Variants in SMC2 observed in about 807,000 individuals in gnomAD.
SMC2 encodes the protein structural maintenance of chromosomes protein 2.
A neutral mutation model predicts 142.6 loss-of-function variants in SMC2; 41 were observed. The observed-to-expected ratio is 0.29, with a 90% confidence interval of 0.22 to 0.37. The LOEUF is 0.37. SMC2 is among the 10% of genes least tolerant of loss of function. SMC2 has a pLI of 1.00. For synonymous variants in SMC2, 463 were observed against 457.5 expected, an observed-to-expected ratio of 1.01 and a Z score of -0.15; for missense variants, 1,265 against 1,373.7, an observed-to-expected ratio of 0.92 and a Z score of 1.25.
At chr9:104,135,756 T>C (rs1835458224) in intron 23 of SMC2, 1 of 489,438 alleles carries the variant, frequency 2.0e-6, no homozygotes, top group Admixed American at 2.2e-5. Context: ...TTAAACACTA[T>C]GTAAGCCAGA....
intron 22 of SMC2, among the ~76,000 whole-genome samples, chr9:104,133,922 C>T (rs953562331): frequency 2.0e-4 from 31 of 152,050 alleles, no homozygotes; most frequent in African/African-American, 7.5e-4. Flanking sequence ...GGCCTTTGGA[C>T]AACAGGAAAA....
At chr9:104,115,135 G>A (rs1490999903) in intron 13 of SMC2, among the ~76,000 whole-genome samples, 1 of 151,760 alleles carries the variant, frequency 6.6e-6, no homozygotes, top group East Asian at 1.9e-4. Context: ...TTCCCATCAA[G>A]GTAACATTGA....
At chr9:104,099,400 T>C (rs1830859442) in intron 4 of SMC2, among the ~76,000 whole-genome samples, 1 of 152,090 alleles carries the variant, frequency 6.6e-6, no homozygotes, top group African/African-American at 2.4e-5. Flanking sequence ...TTGTTAACTT[T>C]GTATCATTTA....
chr9:104,133,669 G>A (rs765027005), intron 22 of SMC2, among the ~76,000 whole-genome samples: 1 of 151,984 alleles, frequency 6.6e-6, no homozygotes, highest in Non-Finnish European at 1.5e-5. Context: ...AATCAAGTGC[G>A]TATGAACAAA....
intron 12 of SMC2, 84 bp downstream of exon 12, chr9:104,114,165 G>A (rs754933663): frequency 1.8e-4 from 136 of 773,596 alleles, no homozygotes; most frequent in Non-Finnish European, 2.5e-4. Flanking sequence ...AAATTTTGTC[G>A]AAACCAAGAT....
chr9:104,111,703 T>A lies in SMC2; in HGVS notation c.1143T>A (p.Asn381Lys). ...TGGCAGCTGCACAGCAGCACTTCAATGCTGTTTCCGCTGGCCTGTCCAGTA... is the reference window on the plus strand; with the variant it reads ...TGGCAGCTGCACAGCAGCACTTCAAAGCTGTTTCCGCTGGCCTGTCCAGTA... Reference protein sequence around the residue: ...EALAAAQQHFNAVSAGLSSNE... With the variant: ...EALAAAQQHFKAVSAGLSSNE... Residue 381 changes from asparagine (N) to lysine (K), a missense_variant, in exon 10 of 25, where the codon AAT becomes AAA. Physicochemically the swap from Asn to Lys is moderately conservative, Grantham distance 94 (BLOSUM62 0). Coordinates refer to ENST00000374793, the MANE Select transcript of SMC2 (RefSeq NM_006444.3). 1 of 1,614,104 alleles carries A rather than the reference T, an allele frequency of 6.2e-7. No individual in the cohort carries two copies.
chr9:104,091,596 ATCAAT>A (rs1483368284), upstream of SMC2, among the ~76,000 whole-genome samples: 5 of 152,236 alleles, frequency 3.3e-5, no homozygotes, highest in African/African-American at 7.2e-5. Context: ...TCCTGTCATT[ATCAAT>A]TCATTTCCTT....
At chr9:104,119,930 T>C in intron 15 of SMC2, 97 bp from the exon 16 acceptor site, 1 of 1,132,770 alleles carries the variant, frequency 8.8e-7, no homozygotes, top group Non-Finnish European at 1.3e-6. Flanking sequence ...TATTTACTAT[T>C]GAATCAATTT....
chr9:104,136,736 T>C (rs1835572021), intron 23 of SMC2, among the ~76,000 whole-genome samples: 1 of 151,906 alleles, frequency 6.6e-6, no homozygotes, highest in Non-Finnish European at 1.5e-5. Context: ...TGATTTGGTT[T>C]TGATGATACT....
At chr9:104,105,599 C>A (rs1429546326) in intron 9 of SMC2, among the ~76,000 whole-genome samples, 6 of 152,132 alleles carry the variant, frequency 3.9e-5, no homozygotes, top group African/African-American at 1.4e-4. Context: ...CCTTCATCAC[C>A]AATGGGACCT....
At chr9:104,088,270 T>A in the SMC2 span, among the ~76,000 whole-genome samples, 1 of 152,164 alleles carries the variant, frequency 6.6e-6, no homozygotes, top group Non-Finnish European at 1.5e-5. Context: ...TTTTCTTTTT[T>A]AAACTATTCT....
intron 23 of SMC2, among the ~76,000 whole-genome samples, chr9:104,136,755 C>CTTTTTTTTTTTTTT (rs755408895): frequency 9.2e-5 from 11 of 119,830 alleles, no homozygotes; most frequent in African/African-American, 3.1e-4. Context: ...CTGTTTTATT[C>CTTTTTTTTTTTTTT]TTTTTTTTTT....
intron 7 of SMC2, among the ~76,000 whole-genome samples, chr9:104,101,013 C>T (rs1744814667): frequency 6.6e-6 from 1 of 152,196 alleles, no homozygotes; most frequent in Non-Finnish European, 1.5e-5. Context: ...TCACAGCTCA[C>T]TGCAGCCTCC....
chr9:104,110,697 C>T (rs1293594344), intron 9 of SMC2, among the ~76,000 whole-genome samples: 1 of 152,150 alleles, frequency 6.6e-6, no homozygotes, highest in East Asian at 1.9e-4. Context: ...GCTCCTAGTC[C>T]GGTTCCTCAA....
In SMC2 at chr9:104,098,469, A is replaced by G. The variant is rs1262840288; in HGVS notation, c.342A>G (p.Lys114=). Reference sequence around the variant, plus strand: ...AGGTGGTTATTGGTGGTAGAAATAAATATTTAATCAATGGAGTCAATGCCA... The same window carrying G: ...AGGTGGTTATTGGTGGTAGAAATAAGTATTTAATCAATGGAGTCAATGCCA... ...TRQVVIGGRN[K]YLINGVNANN... is the part of the protein sequence containing the mutation. The change falls in exon 4 of 25, where the codon AAA becomes AAG. Residue 114 remains lysine, a synonymous_variant. Transcript: ENST00000374793. The G allele has an allele frequency of 1.3e-6, 2 of 1,592,152 alleles. No homozygotes were observed. Among genetic ancestry groups the G allele is most frequent in the African/African-American group, 1.4e-5 (1 of 73,532 alleles).
intron 15 of SMC2, among the ~76,000 whole-genome samples, chr9:104,119,184 A>G (rs1833456328): frequency 1.3e-5 from 2 of 152,308 alleles, no homozygotes; most frequent in South Asian, 4.1e-4. Context: ...TACACAATCA[A>G]ATGACTAGTA....
chr9:104,128,861 T>G (rs1456625263), intron 20 of SMC2, among the ~76,000 whole-genome samples: 1 of 152,200 alleles, frequency 6.6e-6, no homozygotes, highest in Non-Finnish European at 1.5e-5. Flanking sequence ...TTAGGGCAGT[T>G]TCTTAGAATA....
chr9:104,094,597 G>A (rs988077516), intron 1 of SMC2, 120 bp downstream of exon 1: 2 of 377,768 alleles, frequency 5.3e-6, no homozygotes, highest in Non-Finnish European at 4.7e-6. Context: ...GTGGCAGAGG[G>A]ACCTTAGGTG....
chr9:104,139,561 G>A lies in SMC2; in HGVS notation c.*246G>A, dbSNP rs1171318339. 5 of 317,080 alleles carry A rather than the reference G, an allele frequency of 1.6e-5. No individual in the cohort carries two copies. The highest frequency in any genetic ancestry group is 2.8e-5 in the Non-Finnish European group (5 of 176,104). The allele number at this position is 317,080 out of a possible 1,614,324, so 19.6% of individuals were successfully genotyped here. ...ATCATCAAATGTTTTTTTCTTATGC[G>A]GGTCTTTTATATATTAGGGATCCTG... On this transcript the variant is annotated 3_prime_UTR_variant, in exon 25 of 25. Transcript: ENST00000374793.
Sources: gnomAD v4.1 joint callset for allele counts (sites outside exome capture counted in the v4.1 genomes callset) on GRCh38, gnomAD v4.1.1 for gene constraint, MANE v1.5 for transcripts, NCBI Gene and HGNC (gene_info 2026-07-23, HGNC 2026-07-21) for gene names.